GRIP1: variants seen among roughly 807,000 people sequenced by gnomAD.
The protein encoded by GRIP1 is glutamate receptor-interacting protein 1.
Under a neutral mutation model 129.9 loss-of-function variants are expected in GRIP1, and 45 were observed. The observed-to-expected ratio is 0.35, with a 90% CI of 0.27 to 0.44. GRIP1 has a LOEUF of 0.44. Ranked by LOEUF, GRIP1 falls within the 20% of genes least tolerant of loss-of-function variation. GRIP1 has a pLI of 1.00. For synonymous variants in GRIP1, 530 were observed against 520.8 expected (o/e 1.02, Z -0.24); for missense variants, 1,196 against 1,396.8 (o/e 0.86, Z 2.29).
chr12:66,906,755 C>G (rs187150543), intron 1 of GRIP1, among the ~76,000 whole-genome samples: 1 of 152,290 alleles, frequency 6.6e-6, no homozygotes, highest in Admixed American at 6.5e-5. Flanking sequence ...AGACTGGACA[C>G]CATCAGGGGC....
At chr12:66,741,584 T>TA (rs1303673399) in intron 1 of GRIP1, among the ~76,000 whole-genome samples, 2 of 152,170 alleles carry the variant, frequency 1.3e-5, no homozygotes, top group Non-Finnish European at 1.5e-5. Context: ...TAAGCAAATA[T>TA]AAAAAAATGT....
chr12:66,758,125 T>G (rs2037355045), intron 1 of GRIP1, among the ~76,000 whole-genome samples: 1 of 152,186 alleles, frequency 6.6e-6, no homozygotes. Flanking sequence ...ATGTATTAGT[T>G]CGTTTTCATG....
At chr12:66,394,070 G>C (rs2056698660) in intron 17 of GRIP1, 138 bp downstream of exon 17, 1 of 881,824 alleles carries the variant, frequency 1.1e-6, no homozygotes, top group Non-Finnish European at 1.9e-6. Flanking sequence ...AGAGTTCTCA[G>C]GCTCTAAGAT....
chr12:66,524,090 C>T (rs2061129199), intron 5 of GRIP1, among the ~76,000 whole-genome samples: 2 of 152,138 alleles, frequency 1.3e-5, no homozygotes, highest in Admixed American at 6.6e-5. Context: ...GGAGACTTAA[C>T]ACCCCACTGT....
At chr12:66,741,690 G>A (rs1362293216) in intron 1 of GRIP1, among the ~76,000 whole-genome samples, 1 of 152,164 alleles carries the variant, frequency 6.6e-6, no homozygotes, top group Non-Finnish European at 1.5e-5. Context: ...TTGGGGGGTT[G>A]CTAAGATTTG....
intron 1 of GRIP1, among the ~76,000 whole-genome samples, chr12:66,941,672 A>G (rs1038982578): frequency 6.6e-6 from 1 of 152,084 alleles, no homozygotes; most frequent in Non-Finnish European, 1.5e-5. Context: ...TTCCCATTAC[A>G]TCTTCCCACC....
At chr12:66,423,233 T>C (rs2057870607) in intron 14 of GRIP1, among the ~76,000 whole-genome samples, 1 of 152,254 alleles carries the variant, frequency 6.6e-6, no homozygotes, top group African/African-American at 2.4e-5. Flanking sequence ...GGTGCCTTAG[T>C]TTCCTCATCT....
intron 1 of GRIP1, among the ~76,000 whole-genome samples, chr12:66,732,035 T>C (rs186931072): frequency 2.6e-5 from 4 of 152,314 alleles, no homozygotes; most frequent in African/African-American, 9.6e-5. Context: ...TGTATCCAAA[T>C]GCCTCTATAT....
rs188112786 is a variant in GRIP1 at position 66,972,935 on chromosome 12, C to T, written c.58+96115G>A. 1.1e-3 allele frequency among the ~76,000 whole-genome samples: 160 copies of T among 152,172 alleles called. 1 individual carries two copies. The highest frequency in any genetic ancestry group is 3.4e-3 in the Middle Eastern group (1 of 294). ...GAACTCCTGGCCCCCAAACAGGGTC[C>T]GGGGTGAAAAGAGAAGATGAAAGAA... On this transcript the variant is annotated intron_variant, in intron 1 of 1. Coordinates refer to the GRIP1 transcript ENST00000643019.
intron 1 of GRIP1, among the ~76,000 whole-genome samples, chr12:66,963,984 C>T (rs11176498): frequency 0.1 from 15,257 of 152,058 alleles, 916 homozygotes; most frequent in South Asian, 0.17. Context: ...TCCTTTAAGC[C>T]CTATAGACAA....
intron 7 of GRIP1, among the ~76,000 whole-genome samples, chr12:66,488,463 G>A (rs1170018825): frequency 1.3e-5 from 2 of 152,068 alleles, no homozygotes; most frequent in Admixed American, 6.6e-5. Context: ...TTTTTGGGAT[G>A]CAGCTAAAGT....
chr12:66,463,958 A>G (rs943744190), intron 8 of GRIP1, among the ~76,000 whole-genome samples: 1 of 152,176 alleles, frequency 6.6e-6, no homozygotes, highest in Non-Finnish European at 1.5e-5. Flanking sequence ...AATGGCTGTC[A>G]CTGATAAGGA....
intron 1 of GRIP1, among the ~76,000 whole-genome samples, chr12:66,981,493 C>T (rs1034937397): frequency 6.6e-6 from 1 of 152,114 alleles, no homozygotes; most frequent in African/African-American, 2.4e-5. Flanking sequence ...TGTAATAATA[C>T]ACTGAATTCT....
chr12:66,883,790 C>T (rs1212212079), intron 1 of GRIP1, among the ~76,000 whole-genome samples: 2 of 152,190 alleles, frequency 1.3e-5, no homozygotes, highest in African/African-American at 4.8e-5. Context: ...GAGGGCAGAT[C>T]GGGTTTCAGC....
At chr12:66,601,826 C>G (rs1216151936) in intron 1 of GRIP1, among the ~76,000 whole-genome samples, 2 of 152,206 alleles carry the variant, frequency 1.3e-5, no homozygotes, top group Non-Finnish European at 2.9e-5. Context: ...ATGAAACAAT[C>G]TGTCCCTTGA....
At chr12:66,688,694 T>G (rs1342571920) in intron 1 of GRIP1, among the ~76,000 whole-genome samples, 1 of 152,078 alleles carries the variant, frequency 6.6e-6, no homozygotes, top group Admixed American at 6.6e-5. Context: ...ATTTTCCACT[T>G]TATTTCCATA....
intron 4 of GRIP1, among the ~76,000 whole-genome samples, chr12:66,531,714 CA>C (rs903715070): frequency 6.6e-6 from 1 of 151,198 alleles, no homozygotes; most frequent in Non-Finnish European, 1.5e-5. Context: ...TTTAATTAAA[CA>C]AAAAAAATTG....
chr12:66,501,488 T>C (rs969619328), intron 7 of GRIP1, among the ~76,000 whole-genome samples: 5 of 152,166 alleles, frequency 3.3e-5, no homozygotes, highest in African/African-American at 9.7e-5. Flanking sequence ...AAAATTAGTA[T>C]ACAATCACAG....
At chr12:66,849,359 C>T (rs2039872217) in intron 1 of GRIP1, among the ~76,000 whole-genome samples, 1 of 152,208 alleles carries the variant, frequency 6.6e-6, no homozygotes, top group South Asian at 2.1e-4. Flanking sequence ...TAAACATCTA[C>T]TTCATCACTT....
Sources: gnomAD v4.1 joint callset for allele counts (sites outside exome capture counted in the v4.1 genomes callset) on GRCh38, gnomAD v4.1.1 for gene constraint, MANE v1.5 for transcripts, NCBI Gene and HGNC (gene_info 2026-07-23, HGNC 2026-07-21) for gene names.